Variants in UBE2D2 observed in about 807,000 individuals in gnomAD.
UBE2D2 encodes the protein ubiquitin-conjugating enzyme E2 D2.
In UBE2D2, 2 loss-of-function variants were observed where a neutral mutation model predicts 24.2. The ratio of observed to expected loss-of-function variants is 0.08; its 90% confidence interval spans 0.03 to 0.26. The LOEUF is 0.26. Among genes scored for constraint, UBE2D2 ranks in the 10% least tolerant of loss-of-function variants. UBE2D2 has a pLI of 1.00. For synonymous variants in UBE2D2, 58 were observed against 56.5 expected (o/e 1.03, Z -0.12); for missense variants, 44 against 177.6 (o/e 0.25, Z 4.28).
chr5:139,556,904 G>A (rs376117308), upstream of UBE2D2, among the ~76,000 whole-genome samples: 43 of 149,852 alleles, frequency 2.9e-4, no homozygotes, highest in African/African-American at 8.6e-4. Flanking sequence ...GCGCAATCTC[G>A]TCTCACTGCA....
intron 1 of UBE2D2, among the ~76,000 whole-genome samples, chr5:139,587,419 G>T (rs771217448): frequency 1.6e-4 from 24 of 152,110 alleles, no homozygotes; most frequent in African/African-American, 5.8e-4. Flanking sequence ...GGTGGCTCAC[G>T]CCTGTATTCC....
intron 1 of UBE2D2, among the ~76,000 whole-genome samples, chr5:139,584,635 C>T (rs1753685856): frequency 6.9e-6 from 1 of 145,358 alleles, no homozygotes; most frequent in Non-Finnish European, 1.5e-5. Flanking sequence ...TGGGTTCCAG[C>T]GATTCTCCTG....
At chr5:139,605,359 G>A (rs1358215717) in intron 2 of UBE2D2, among the ~76,000 whole-genome samples, 3 of 151,930 alleles carry the variant, frequency 2.0e-5, no homozygotes, top group Non-Finnish European at 2.9e-5. Flanking sequence ...TTGGGAGGCC[G>A]AGGCGGGCGG....
intron 1 of UBE2D2, among the ~76,000 whole-genome samples, chr5:139,593,250 TC>T (rs557270255): frequency 2.6e-4 from 40 of 152,200 alleles, no homozygotes; most frequent in Admixed American, 1.3e-3. Context: ...CACCTCGGCC[TC>T]CCAAAGTGCT....
At chr5:139,615,930 G>T (rs1364236678) in intron 5 of UBE2D2, among the ~76,000 whole-genome samples, 4 of 147,482 alleles carry the variant, frequency 2.7e-5, no homozygotes, top group Admixed American at 1.3e-4. Context: ...CCACCTCCCG[G>T]GTTCAAGCAA....
At chr5:139,526,569 C>T (rs945144873) in exon 1 of UBE2D2, 44 of 152,410 alleles carry the variant, frequency 2.9e-4, no homozygotes, top group African/African-American at 1.0e-3. Context: ...TGGCTGAACA[C>T]CGGGAAGGAA....
At chr5:139,572,574 C>A (rs1753372500) in intron 1 of UBE2D2, among the ~76,000 whole-genome samples, 1 of 151,762 alleles carries the variant, frequency 6.6e-6, no homozygotes, top group African/African-American at 2.4e-5. Flanking sequence ...CCAGCTTGGG[C>A]CACAGAGCGA....
chr5:139,590,464 AAAAG>A (rs1371348422), intron 1 of UBE2D2, among the ~76,000 whole-genome samples: 4 of 151,776 alleles, frequency 2.6e-5, no homozygotes, highest in Non-Finnish European at 5.9e-5. Flanking sequence ...AAAAGAAAGA[AAAAG>A]GAACAAACTA....
intron 1 of UBE2D2, among the ~76,000 whole-genome samples, chr5:139,582,997 C>T (rs1165561064): frequency 6.9e-6 from 1 of 145,420 alleles, no homozygotes; most frequent in Non-Finnish European, 1.5e-5. Context: ...TTTTTGAAGA[C>T]GGCGTCTCGC....
intron 1 of UBE2D2, 131 bp from the exon 2 acceptor site, chr5:139,600,230 CTACTCATCTCT>C: frequency 1.1e-6 from 1 of 883,986 alleles, no homozygotes; most frequent in African/African-American, 1.6e-5. Context: ...ATTCACCAAT[CTACTCATCTCT>C]TACTCTGAAG....
chr5:139,534,568 GAA>G (rs77999908), intron 1 of UBE2D2, among the ~76,000 whole-genome samples: 6 of 114,100 alleles, frequency 5.3e-5, no homozygotes, highest in African/African-American at 6.6e-5. Flanking sequence ...ACTGTCTCAG[GAA>G]AAAAAAAAAA....
chr5:139,614,264 C>T lies in UBE2D2; in HGVS notation c.89-322C>T, dbSNP rs183563766. Among the ~76,000 whole-genome samples the T allele has an allele frequency of 7.2e-5, 11 of 152,036 alleles. No homozygotes were observed. In the East Asian group the frequency reaches 1.9e-3, roughly 27 times the overall value. On this transcript the variant is annotated intron_variant, in intron 2 of 6. Transcript: ENST00000398733. The stretch of plus-strand genomic sequence containing the variant: ...TGTTTTTGAGAGAGTCTTGCAGTGG[C>T]GCAGTCATGGCTCATTGCAGCCTCC...
At chr5:139,580,065 G>A (rs971248018) in intron 1 of UBE2D2, among the ~76,000 whole-genome samples, 2 of 145,150 alleles carry the variant, frequency 1.4e-5, no homozygotes, top group Non-Finnish European at 3.0e-5. Flanking sequence ...AAAAAAAGTT[G>A]TTCCCATAGA....
chr5:139,583,340 G>GT (rs1422109740), intron 1 of UBE2D2, among the ~76,000 whole-genome samples: 1 of 152,180 alleles, frequency 6.6e-6, no homozygotes, highest in East Asian at 1.9e-4. Flanking sequence ...ACCAAAAGAA[G>GT]TAAGTATGTG....
At chr5:139,565,313 G>T (rs1263268662) in intron 1 of UBE2D2, among the ~76,000 whole-genome samples, 1 of 152,132 alleles carries the variant, frequency 6.6e-6, no homozygotes, top group Non-Finnish European at 1.5e-5. Flanking sequence ...ACTTTATTTT[G>T]ATATACATCT....
At chr5:139,552,127 T>C (rs1015349145) in intron 1 of UBE2D2, among the ~76,000 whole-genome samples, 1 of 151,990 alleles carries the variant, frequency 6.6e-6, no homozygotes, top group African/African-American at 2.4e-5. Context: ...TCCAAATAAA[T>C]AGATTAGCCT....
At chr5:139,529,284 C>T (rs1307576788) in intron 1 of UBE2D2, among the ~76,000 whole-genome samples, 1 of 152,124 alleles carries the variant, frequency 6.6e-6, no homozygotes, top group Non-Finnish European at 1.5e-5. Context: ...AGACTAAGGA[C>T]TGGTCCTTTT....
intron 1 of UBE2D2, among the ~76,000 whole-genome samples, chr5:139,588,311 G>A (rs1419827755): frequency 6.6e-6 from 1 of 151,786 alleles, no homozygotes; most frequent in Non-Finnish European, 1.5e-5. Flanking sequence ...TGTCGCCCAG[G>A]CTGGAGTGGA....
At chr5:139,608,158 G>A (rs1038398689) in intron 2 of UBE2D2, among the ~76,000 whole-genome samples, 8 of 151,708 alleles carry the variant, frequency 5.3e-5, no homozygotes, top group East Asian at 1.9e-4. Flanking sequence ...CTGGCCCGGC[G>A]TGGTAGCTCA....
Sources: allele counts gnomAD v4.1 joint callset (sites outside exome capture counted in the v4.1 genomes callset), GRCh38; gene constraint gnomAD v4.1.1; transcripts MANE v1.5; gene names NCBI Gene and HGNC (gene_info 2026-07-23, HGNC 2026-07-21).